The following LANCL3 variants were observed in gnomAD, a reference collection of about 807,000 sequenced individuals.
LANCL3 encodes the protein lanC-like protein 3.
Under a neutral mutation model 26.5 loss-of-function variants are expected in LANCL3, and 19 were observed. That is an observed-to-expected ratio of 0.72 (90% CI 0.50 to 1.05). LANCL3 has a LOEUF of 1.05. Ranked by LOEUF, LANCL3 falls within the 50% of genes least tolerant of loss-of-function variation. The pLI, the probability that LANCL3 is intolerant of heterozygous loss-of-function variation, is 0.00. For missense variants in LANCL3, 318 were observed against 362.7 expected, an observed-to-expected ratio of 0.88 and a Z score of 1.00; for synonymous variants, 160 against 166.6, an observed-to-expected ratio of 0.96 and a Z score of 0.30.
chrX:37,652,027 A>C (rs186245039), intron 1 of LANCL3, among the ~76,000 whole-genome samples: 975 of 81,193 alleles, frequency 0.012, 11 homozygotes, highest in African/African-American at 0.036. Context: ...TGACAGCTTC[A>C]TTTTTTTTTT....
chrX:37,606,777 G>A (rs782392034), intron 1 of LANCL3, among the ~76,000 whole-genome samples: 2 of 111,938 alleles, frequency 1.8e-5, no homozygotes, highest in South Asian at 3.8e-4. Context: ...CAGCTTCCAC[G>A]CCCTAATCTG....
At chrX:37,668,126 G>A (rs1926589991) in intron 4 of LANCL3, among the ~76,000 whole-genome samples, 1 of 108,325 alleles carries the variant, frequency 9.2e-6, no homozygotes, top group African/African-American at 3.4e-5. Flanking sequence ...GTGTGTCTTA[G>A]GGGGATATTT....
chrX:37,629,133 G>C (rs1292500063), intron 1 of LANCL3, among the ~76,000 whole-genome samples: 1 of 107,022 alleles, frequency 9.3e-6, no homozygotes, highest in Non-Finnish European at 1.9e-5. Context: ...TTTTAATGAT[G>C]GCCATTCTAA....
intron 1 of LANCL3, among the ~76,000 whole-genome samples, chrX:37,581,757 C>T (rs1485105296): frequency 1.8e-5 from 2 of 111,810 alleles, no homozygotes; most frequent in African/African-American, 3.3e-5. Flanking sequence ...ATACATTCCA[C>T]GAAAACCCGA....
chrX:37,572,570 T>G, intron 1 of LANCL3, 127 bp downstream of exon 1: 1 of 544,143 alleles, frequency 1.8e-6, no homozygotes, highest in Admixed American at 3.3e-5. Flanking sequence ...GGTGTGGTGC[T>G]AGCATTTCTT....
At chrX:37,655,116 T>A (rs904603562) in intron 1 of LANCL3, among the ~76,000 whole-genome samples, 2 of 112,580 alleles carry the variant, frequency 1.8e-5, no homozygotes, top group Non-Finnish European at 3.8e-5. Flanking sequence ...CTATTCAGAG[T>A]CATTTTGATA....
rs1229532604 is a variant in LANCL3 at position 37,572,452 on chromosome X, T to C, written c.573+9T>C. 16 of 1,163,515 alleles carry C rather than the reference T, an allele frequency of 1.4e-5. No individual in the cohort carries two copies. Among genetic ancestry groups the C allele is most frequent in the Non-Finnish European group, 1.7e-5 (15 of 870,546 alleles). ...AGAAACTCGCCCAGGAGGTAAGAGG[T>C]AGCCCGGGCCGCGGGAGGGCGCTCG... On this transcript the variant is annotated intron_variant, in intron 1 of 4. Transcript: ENST00000378619.
chrX:37,605,352 C>T (rs1924680153), intron 1 of LANCL3, among the ~76,000 whole-genome samples: 1 of 112,124 alleles, frequency 8.9e-6, no homozygotes, highest in African/African-American at 3.3e-5. Flanking sequence ...CACCTTAAGA[C>T]TGAAATACAA....
At chrX:37,670,426 G>T (rs1556435721) in intron 4 of LANCL3, among the ~76,000 whole-genome samples, 1 of 107,673 alleles carries the variant, frequency 9.3e-6, no homozygotes, top group African/African-American at 3.5e-5. Context: ...TTCAGGATTA[G>T]AAAACTATTA....
chrX:37,657,033 C>T (rs1478380325), intron 2 of LANCL3, among the ~76,000 whole-genome samples: 1 of 112,731 alleles, frequency 8.9e-6, no homozygotes, highest in Non-Finnish European at 1.9e-5. Context: ...CTGTGGACAA[C>T]TGAGGCTCAG....
At chrX:37,613,730 T>C (rs546496686) in intron 1 of LANCL3, among the ~76,000 whole-genome samples, 2 of 112,702 alleles carry the variant, frequency 1.8e-5, no homozygotes, top group South Asian at 7.3e-4. Flanking sequence ...TTATTGCTTG[T>C]AATATTCATT....
At chrX:37,597,604 C>T (rs1216249526) in intron 1 of LANCL3, among the ~76,000 whole-genome samples, 1 of 108,434 alleles carries the variant, frequency 9.2e-6, no homozygotes, top group Admixed American at 9.9e-5. Flanking sequence ...AGTTTGAACT[C>T]CTGGGCCCAA....
intron 1 of LANCL3, among the ~76,000 whole-genome samples, chrX:37,620,679 G>A (rs1473666882): frequency 9.0e-6 from 1 of 111,517 alleles, no homozygotes; most frequent in Non-Finnish European, 1.9e-5. Flanking sequence ...TTCCTATGGC[G>A]GTCTTACTTT....
chrX:37,635,884 G>A (rs1051415890), intron 1 of LANCL3, among the ~76,000 whole-genome samples: 1 of 110,285 alleles, frequency 9.1e-6, no homozygotes, highest in Non-Finnish European at 1.9e-5. Flanking sequence ...GGGGGGTTTG[G>A]TGTACAGATT....
chrX:37,606,232 C>T (rs141226249), intron 1 of LANCL3, among the ~76,000 whole-genome samples: 1,389 of 111,252 alleles, frequency 0.012, 30 homozygotes, highest in African/African-American at 0.043. Context: ...ACTCAGTATC[C>T]AAGGTTTTTA....
chrX:37,637,806 AC>A (rs1201798089), intron 1 of LANCL3, among the ~76,000 whole-genome samples: 3 of 108,830 alleles, frequency 2.8e-5, no homozygotes, highest in African/African-American at 1.0e-4. Flanking sequence ...GCTCAGAATA[AC>A]CCCATTTCTC....
intron 1 of LANCL3, among the ~76,000 whole-genome samples, chrX:37,628,892 G>A (rs1925395109): frequency 1.8e-5 from 2 of 110,326 alleles, no homozygotes; most frequent in African/African-American, 6.6e-5. Flanking sequence ...ATTGTGAATA[G>A]TGCTGCAATA....
intron 1 of LANCL3, among the ~76,000 whole-genome samples, chrX:37,586,868 G>A (rs1924102004): frequency 1.1e-5 from 1 of 89,260 alleles, no homozygotes; most frequent in Non-Finnish European, 1.9e-5. Context: ...AGGAGGAGAG[G>A]CGCTCGATTT....
At chrX:37,633,851 C>G (rs1418187251) in intron 1 of LANCL3, among the ~76,000 whole-genome samples, 1 of 112,007 alleles carries the variant, frequency 8.9e-6, no homozygotes, top group Non-Finnish European at 1.9e-5. Context: ...TGGGGGGGTG[C>G]CTCCCAGTTA....
Sources: allele counts gnomAD v4.1 joint callset (sites outside exome capture counted in the v4.1 genomes callset), GRCh38; gene constraint gnomAD v4.1.1; transcripts MANE v1.5; gene names NCBI Gene and HGNC (gene_info 2026-07-23, HGNC 2026-07-21).